HTR3B: variants seen among roughly 807,000 people sequenced by gnomAD.
HTR3B encodes 5-hydroxytryptamine (serotonin) receptor 3B, ionotropic.
Under a neutral mutation model 42.8 loss-of-function variants are expected in HTR3B, and 44 were observed. That is an observed-to-expected ratio of 1.03 (90% CI 0.81 to 1.32). HTR3B has a LOEUF of 1.32. Ranked by LOEUF, HTR3B falls within the 40% of genes most tolerant of loss-of-function variation. The pLI is 0.00. For missense variants in HTR3B, 527 were observed against 536.5 expected (o/e 0.98, Z 0.17); for synonymous variants, 203 against 209.0 (o/e 0.97, Z 0.25).
At chr11:113,900,752 T>C (rs1949692246), upstream of HTR3B, among the ~76,000 whole-genome samples, 1 of 152,068 alleles carries the variant, frequency 6.6e-6, no homozygotes, top group African/African-American at 2.4e-5. Context: ...CTGGGTAATT[T>C]ATAAAGAAAG....
At chr11:113,932,252 C>T (rs1307401413) in intron 4 of HTR3B, 37 bp from the exon 5 acceptor site, 1 of 1,553,014 alleles carries the variant, frequency 6.4e-7, no homozygotes, top group South Asian at 1.1e-5. Context: ...GACCAACATC[C>T]TCTCTGTGAC....
At chr11:113,922,667 T>A (rs1029358181) in intron 2 of HTR3B, among the ~76,000 whole-genome samples, 2 of 152,084 alleles carry the variant, frequency 1.3e-5, no homozygotes, top group African/African-American at 4.8e-5. Context: ...GCCATTCTCC[T>A]GCCTCAGCCT....
intron 2 of HTR3B, among the ~76,000 whole-genome samples, chr11:113,928,247 G>C (rs565501497): frequency 6.6e-6 from 1 of 152,022 alleles, no homozygotes; most frequent in African/African-American, 2.4e-5. Context: ...GGTATTCCAC[G>C]GTATATATGT....
intron 2 of HTR3B, among the ~76,000 whole-genome samples, chr11:113,927,476 A>T (rs914215341): frequency 2.6e-5 from 4 of 152,144 alleles, no homozygotes; most frequent in African/African-American, 9.7e-5. Flanking sequence ...AAAAGCAACC[A>T]TCGCTGCTAA....
At chr11:113,938,117 G>A (rs1950105761) in intron 6 of HTR3B, among the ~76,000 whole-genome samples, 1 of 151,884 alleles carries the variant, frequency 6.6e-6, no homozygotes, top group Admixed American at 6.6e-5. Context: ...TGGATTAAGG[G>A]CCCACTCTAC....
chr11:113,939,119 T>G (rs556644182), intron 6 of HTR3B, among the ~76,000 whole-genome samples: 1 of 152,268 alleles, frequency 6.6e-6, no homozygotes, highest in South Asian at 2.1e-4. Flanking sequence ...GTCTTAGAAA[T>G]GCGAACATCC....
chr11:113,934,406 GA>G (rs1021251590), intron 6 of HTR3B, among the ~76,000 whole-genome samples: 3 of 124,112 alleles, frequency 2.4e-5, no homozygotes, highest in African/African-American at 6.0e-5. Flanking sequence ...AGGAAAGAAA[GA>G]AAAAAAGAAA....
chr11:113,945,042 C>T (rs1440546685), intron 8 of HTR3B, among the ~76,000 whole-genome samples: 7 of 151,286 alleles, frequency 4.6e-5, no homozygotes, highest in Non-Finnish European at 7.4e-5. Context: ...TAGGCTCAGG[C>T]GATCTTCCCT....
At chr11:113,906,672 AAG>A (rs904182993) in intron 1 of HTR3B, among the ~76,000 whole-genome samples, 1 of 152,196 alleles carries the variant, frequency 6.6e-6, no homozygotes, top group Non-Finnish European at 1.5e-5. Flanking sequence ...CGTCATGATT[AAG>A]AGCTTGGACT....
At chr11:113,928,066 T>A (rs958659298) in intron 2 of HTR3B, among the ~76,000 whole-genome samples, 1 of 152,134 alleles carries the variant, frequency 6.6e-6, no homozygotes, top group Non-Finnish European at 1.5e-5. Flanking sequence ...CCAGTGTGTG[T>A]GGTTCCCCTC....
chr11:113,906,525 A>C (rs1343529215), intron 1 of HTR3B, among the ~76,000 whole-genome samples: 2 of 152,234 alleles, frequency 1.3e-5, no homozygotes, highest in Non-Finnish European at 2.9e-5. Context: ...TATTAACCTG[A>C]AAACACATGC....
upstream of HTR3B, chr11:113,904,675 C>A: frequency 2.4e-6 from 1 of 416,318 alleles, no homozygotes; most frequent in Non-Finnish European, 4.3e-6. Context: ...GAAATGTTGG[C>A]CACGGTCTGA....
intron 2 of HTR3B, among the ~76,000 whole-genome samples, chr11:113,922,972 C>G (rs1468686877): frequency 6.6e-6 from 1 of 152,216 alleles, no homozygotes; most frequent in African/African-American, 2.4e-5. Context: ...CCATAACATG[C>G]AGCACTATGT....
At chr11:113,923,108 T>C (rs933712199) in intron 2 of HTR3B, among the ~76,000 whole-genome samples, 1 of 152,208 alleles carries the variant, frequency 6.6e-6, no homozygotes, top group African/African-American at 2.4e-5. Context: ...ATGTCTCTAT[T>C]GCATGTAGGT....
At chr11:113,914,878 G>A (rs1458335673) in intron 2 of HTR3B, among the ~76,000 whole-genome samples, 1 of 152,100 alleles carries the variant, frequency 6.6e-6, no homozygotes, top group East Asian at 1.9e-4. Flanking sequence ...ATAGGGGTCT[G>A]GAGCTTTCTT....
intron 2 of HTR3B, among the ~76,000 whole-genome samples, chr11:113,925,115 A>G (rs1208350639): frequency 2.0e-5 from 3 of 152,206 alleles, no homozygotes; most frequent in Non-Finnish European, 2.9e-5. Context: ...AACATGGACT[A>G]TAATACCAGT....
intron 2 of HTR3B, among the ~76,000 whole-genome samples, chr11:113,911,391 T>C (rs1224816861): frequency 2.0e-5 from 3 of 148,418 alleles, no homozygotes; most frequent in Admixed American, 6.7e-5. Context: ...CCACCACATC[T>C]GACTAATTTT....
At chr11:113,907,297 C>T (rs1201904736) in intron 1 of HTR3B, among the ~76,000 whole-genome samples, 1 of 152,194 alleles carries the variant, frequency 6.6e-6, no homozygotes, top group Non-Finnish European at 1.5e-5. Context: ...GTTGAAACAT[C>T]ACTGAACTGT....
chr11:113,915,943 G>A (rs1404141900), intron 2 of HTR3B, among the ~76,000 whole-genome samples: 1 of 152,108 alleles, frequency 6.6e-6, no homozygotes, highest in African/African-American at 2.4e-5. Flanking sequence ...GGTTCAAGTG[G>A]TTCCCCTGCC....
Sources: allele counts gnomAD v4.1 joint callset (sites outside exome capture counted in the v4.1 genomes callset), GRCh38; gene constraint gnomAD v4.1.1; transcripts MANE v1.5; gene names NCBI Gene and HGNC (gene_info 2026-07-23, HGNC 2026-07-21).